The following METTL15 variants were observed in gnomAD, a reference collection of about 807,000 sequenced individuals.
The protein encoded by METTL15 is methyltransferase 15, mitochondrial 12S rRNA N4-cytidine.
A neutral mutation model predicts 38.3 loss-of-function variants in METTL15; 34 were observed. That is an observed-to-expected ratio of 0.89 (90% CI 0.68 to 1.18). The LOEUF (loss-of-function observed/expected upper bound fraction) is 1.18, where lower values mean the gene tolerates loss of function less well. METTL15 is among the 50% of genes most tolerant of loss of function. METTL15 has a pLI of 0.00. For missense variants in METTL15, 438 were observed against 498.4 expected (o/e 0.88, Z 1.15); for synonymous variants, 162 against 170.9 (o/e 0.95, Z 0.41).
intron 3 of METTL15, among the ~76,000 whole-genome samples, chr11:28,350,682 C>A (rs1481503790): frequency 1.3e-5 from 2 of 152,134 alleles, no homozygotes; most frequent in African/African-American, 4.8e-5. Flanking sequence ...TTTTGTACTG[C>A]AGTTAGCACA....
chr11:28,176,629 G>A (rs148318129), intron 3 of METTL15, among the ~76,000 whole-genome samples: 4 of 152,180 alleles, frequency 2.6e-5, no homozygotes, highest in Admixed American at 6.5e-5. Flanking sequence ...TTTATTGATT[G>A]TATAGTATTG....
At chr11:28,299,551 T>C (rs1856844377) in intron 6 of METTL15, among the ~76,000 whole-genome samples, 1 of 152,158 alleles carries the variant, frequency 6.6e-6, no homozygotes, top group South Asian at 2.1e-4. Flanking sequence ...GGACTAGAAC[T>C]GTATAGAAAT....
intron 3 of METTL15, among the ~76,000 whole-genome samples, chr11:28,198,757 A>G (rs1346058762): frequency 6.6e-6 from 1 of 152,104 alleles, no homozygotes; most frequent in East Asian, 1.9e-4. Context: ...AGCTAACTAT[A>G]AGGTTGGACT....
At chr11:28,443,600 G>A (rs1851052625) in intron 6 of METTL15, among the ~76,000 whole-genome samples, 1 of 152,118 alleles carries the variant, frequency 6.6e-6, no homozygotes, top group Admixed American at 6.6e-5. Context: ...AATCTAAGTT[G>A]TGATGTTTAC....
chr11:28,506,539 A>C (rs1851628456), intron 6 of METTL15, among the ~76,000 whole-genome samples: 1 of 152,166 alleles, frequency 6.6e-6, no homozygotes, highest in African/African-American at 2.4e-5. Flanking sequence ...GTCCTATAAA[A>C]GATTACTCAT....
chr11:28,176,119 TA>T (rs1189847020), intron 3 of METTL15, among the ~76,000 whole-genome samples: 1 of 151,950 alleles, frequency 6.6e-6, no homozygotes, highest in East Asian at 1.9e-4. Context: ...CATAGATTTT[TA>T]AAAATAAATT....
intron 6 of METTL15, among the ~76,000 whole-genome samples, chr11:28,425,531 G>C (rs1041913284): frequency 3.9e-5 from 6 of 152,140 alleles, no homozygotes; most frequent in Non-Finnish European, 7.4e-5. Flanking sequence ...TGAACAAGTT[G>C]TTCTTTCCCC....
chr11:28,163,085 C>G (rs539245694), intron 3 of METTL15, among the ~76,000 whole-genome samples: 2 of 151,884 alleles, frequency 1.3e-5, no homozygotes, highest in East Asian at 3.9e-4. Context: ...GTTGAAAATA[C>G]CAAATGCAAT....
intron 3 of METTL15, among the ~76,000 whole-genome samples, chr11:28,147,141 G>A (rs555515511): frequency 6.6e-6 from 1 of 151,944 alleles, no homozygotes; most frequent in South Asian, 2.1e-4. Flanking sequence ...TAGGTTTCAG[G>A]CACTTTATAT....
chr11:28,295,389 G>A (rs992356788), intron 5 of METTL15, among the ~76,000 whole-genome samples: 10 of 152,196 alleles, frequency 6.6e-5, no homozygotes, highest in African/African-American at 2.4e-4. Context: ...GCTGAAAGAG[G>A]TGCTGGCAGC....
At chr11:28,241,602 A>G (rs571235256) in intron 4 of METTL15, among the ~76,000 whole-genome samples, 3 of 152,194 alleles carry the variant, frequency 2.0e-5, no homozygotes, top group African/African-American at 7.2e-5. Flanking sequence ...GGGATTGTAG[A>G]TAAAGCTTTT....
chr11:28,290,150 T>C, intron 4 of METTL15, 56 bp from the exon 5 acceptor site: 5 of 1,439,454 alleles, frequency 3.5e-6, no homozygotes, highest in Non-Finnish European at 4.7e-6. Flanking sequence ...TCATAGACTT[T>C]AGAAAGACTT....
chr11:28,199,831 C>T (rs552158280), intron 3 of METTL15, among the ~76,000 whole-genome samples: 1 of 152,016 alleles, frequency 6.6e-6, no homozygotes, highest in African/African-American at 2.4e-5. Context: ...CAACCTCCTC[C>T]TCCCAGGATC....
At chr11:28,151,165 G>A (rs181354163) in intron 3 of METTL15, among the ~76,000 whole-genome samples, 2 of 151,968 alleles carry the variant, frequency 1.3e-5, no homozygotes, top group Admixed American at 1.3e-4. Context: ...TAAAAACAAA[G>A]TTATAACTCT....
chr11:28,304,567 T>C (rs1032972567), intron 6 of METTL15, among the ~76,000 whole-genome samples: 1 of 151,936 alleles, frequency 6.6e-6, no homozygotes, highest in African/African-American at 2.4e-5. Context: ...ACTACAAAAA[T>C]TAGCCGGGTG....
intron 4 of METTL15, among the ~76,000 whole-genome samples, chr11:28,218,337 A>G (rs1253703366): frequency 6.6e-6 from 1 of 152,058 alleles, no homozygotes; most frequent in East Asian, 1.9e-4. Context: ...ATGGGAGTTC[A>G]CTCATGATTT....
intron 5 of METTL15, among the ~76,000 whole-genome samples, chr11:28,370,381 T>C (rs1221560786): frequency 6.6e-6 from 1 of 151,972 alleles, no homozygotes; most frequent in Non-Finnish European, 1.5e-5. Flanking sequence ...TTGCTGCAAA[T>C]GACAGGATTT....
intron 1 of METTL15, among the ~76,000 whole-genome samples, chr11:28,109,696 T>C (rs1316777463): frequency 6.6e-6 from 1 of 152,224 alleles, no homozygotes; most frequent in African/African-American, 2.4e-5. Context: ...TGGTGAAGAA[T>C]AGAAGTGTTT....
intron 6 of METTL15, among the ~76,000 whole-genome samples, chr11:28,313,321 C>G (rs1857370988): frequency 6.6e-6 from 1 of 151,844 alleles, no homozygotes; most frequent in Non-Finnish European, 1.5e-5. Flanking sequence ...TTGATAAAAT[C>G]TACATCACAA....
Sources: allele counts gnomAD v4.1 joint callset (sites outside exome capture counted in the v4.1 genomes callset), GRCh38; gene constraint gnomAD v4.1.1; transcripts MANE v1.5; gene names NCBI Gene and HGNC (gene_info 2026-07-23, HGNC 2026-07-21).